Variants in ASIC2 observed in about 807,000 individuals in gnomAD.
ASIC2 encodes acid-sensing ion channel 2.
ASIC2 carries 25 observed loss-of-function variants against 57.3 expected under a neutral mutation model. That is an observed-to-expected ratio of 0.44 (90% CI 0.32 to 0.61). The LOEUF (loss-of-function observed/expected upper bound fraction) is 0.61, where lower values mean the gene tolerates loss of function less well. Among genes scored for constraint, ASIC2 ranks in the 20% least tolerant of loss-of-function variants. The pLI is 0.06. For synonymous variants in ASIC2, 319 were observed against 307.5 expected (o/e 1.04, Z -0.39); for missense variants, 641 against 738.1 (o/e 0.87, Z 1.52).
intron 1 of ASIC2, among the ~76,000 whole-genome samples, chr17:33,594,957 A>C (rs1904937795): frequency 6.6e-6 from 1 of 152,074 alleles, no homozygotes; most frequent in Non-Finnish European, 1.5e-5. Context: ...GCAGTGGCTC[A>C]TGCCTGTAAT....
chr17:33,709,075 A>G (rs1160370962), intron 1 of ASIC2, among the ~76,000 whole-genome samples: 1 of 152,132 alleles, frequency 6.6e-6, no homozygotes, highest in Non-Finnish European at 1.5e-5. Flanking sequence ...CACATTCAAT[A>G]CTCTGTAAAA....
At chr17:33,361,614 A>G (rs1908610067) in intron 1 of ASIC2, among the ~76,000 whole-genome samples, 1 of 152,210 alleles carries the variant, frequency 6.6e-6, no homozygotes, top group Non-Finnish European at 1.5e-5. Context: ...CTTTATGATA[A>G]CAGTCAAGAA....
chr17:34,128,526 G>A (rs2142125489), intron 1 of ASIC2, among the ~76,000 whole-genome samples: 1 of 152,204 alleles, frequency 6.6e-6, no homozygotes, highest in Non-Finnish European at 1.5e-5. Context: ...ATGACCTGAG[G>A]GATGTCACTT....
intron 1 of ASIC2, among the ~76,000 whole-genome samples, chr17:33,840,612 C>T (rs1913406485): frequency 6.6e-6 from 1 of 152,072 alleles, no homozygotes; most frequent in African/African-American, 2.4e-5. Flanking sequence ...AAGGGGCTAC[C>T]ACTCCAAGTG....
intron 1 of ASIC2, among the ~76,000 whole-genome samples, chr17:33,561,550 CTT>C (rs1486390266): frequency 1.3e-5 from 2 of 152,170 alleles, no homozygotes; most frequent in Non-Finnish European, 2.9e-5. Flanking sequence ...CACAGAAACT[CTT>C]GTTAGTGGAC....
At chr17:33,139,731 A>G (rs371328933) in intron 1 of ASIC2, among the ~76,000 whole-genome samples, 4 of 152,132 alleles carry the variant, frequency 2.6e-5, no homozygotes, top group African/African-American at 9.7e-5. Context: ...AGACACCCCT[A>G]TCATGGGCCA....
chr17:33,754,528 T>G (rs1910531497), intron 1 of ASIC2, among the ~76,000 whole-genome samples: 1 of 152,124 alleles, frequency 6.6e-6, no homozygotes, highest in Admixed American at 6.5e-5. Context: ...AACTGCAAAC[T>G]CTGAAAGGTG....
At chr17:34,092,153 G>A (rs148034316) in intron 1 of ASIC2, among the ~76,000 whole-genome samples, 1 of 152,322 alleles carries the variant, frequency 6.6e-6, no homozygotes, top group Non-Finnish European at 1.5e-5. Context: ...ATGAGGTCAT[G>A]TGCAGTGAGC....
intron 1 of ASIC2, among the ~76,000 whole-genome samples, chr17:33,214,959 G>A (rs1907421006): frequency 6.6e-6 from 1 of 152,172 alleles, no homozygotes; most frequent in Non-Finnish European, 1.5e-5. Context: ...CTGGCAAAAG[G>A]AGGCAAGGGT....
At chr17:34,036,216 T>C (rs1597986123) in intron 1 of ASIC2, among the ~76,000 whole-genome samples, 2 of 152,048 alleles carry the variant, frequency 1.3e-5, no homozygotes, top group East Asian at 3.9e-4. Context: ...GTTCATGTCC[T>C]TTGTAGGGAC....
intron 1 of ASIC2, among the ~76,000 whole-genome samples, chr17:34,101,462 C>T (rs529655733): frequency 6.6e-6 from 1 of 152,314 alleles, no homozygotes; most frequent in Non-Finnish European, 1.5e-5. Flanking sequence ...CGGCTCAACT[C>T]TCAACGTCAA....
At chr17:34,061,439 G>A (rs186494765) in intron 1 of ASIC2, among the ~76,000 whole-genome samples, 1 of 152,134 alleles carries the variant, frequency 6.6e-6, no homozygotes, top group Non-Finnish European at 1.5e-5. Context: ...AGAAATACAA[G>A]TTAAAAAGCA....
chr17:33,858,294 C>T (rs1031098412), intron 1 of ASIC2, among the ~76,000 whole-genome samples: 1 of 152,190 alleles, frequency 6.6e-6, no homozygotes, highest in African/African-American at 2.4e-5. Flanking sequence ...CAGAGAAGCA[C>T]AGCGAGTAAT....
rs150317036 is a variant in ASIC2, at chr17:33,588,889, A to G, written c.556-476822T>C. On this transcript the variant is annotated intron_variant, in intron 1 of 9. Transcript: ENST00000359872. ...GTAAACTGTGTATCATTTATGCTAT[A>G]TCAGGTTCACCATTTCTCAGTCAAT... is the stretch of plus-strand genomic sequence containing the variant. 8.5e-3 allele frequency among the ~76,000 whole-genome samples: 1,293 copies of G among 152,322 alleles called. 10 individuals are homozygous for G. The highest frequency in any genetic ancestry group is 0.012 in the Non-Finnish European group (797 of 68,026).
At chr17:33,871,285 CCTTGA>C (rs1914398708) in intron 1 of ASIC2, among the ~76,000 whole-genome samples, 1 of 152,166 alleles carries the variant, frequency 6.6e-6, no homozygotes, top group Admixed American at 6.5e-5. Flanking sequence ...CAAGTTAACA[CCTTGA>C]AGTCATTAAA....
intron 1 of ASIC2, among the ~76,000 whole-genome samples, chr17:33,617,837 A>G (rs985969736): frequency 6.6e-6 from 1 of 152,222 alleles, no homozygotes; most frequent in African/African-American, 2.4e-5. Flanking sequence ...AGGAATAATT[A>G]TATCAATAAT....
intron 1 of ASIC2, among the ~76,000 whole-genome samples, chr17:33,786,645 T>A (rs1178791524): frequency 6.6e-6 from 1 of 152,140 alleles, no homozygotes; most frequent in Non-Finnish European, 1.5e-5. Flanking sequence ...TCAAAGGAAA[T>A]CTTCATTACT....
At chr17:33,813,370 AAAACAAAC>A (rs551935444) in intron 1 of ASIC2, among the ~76,000 whole-genome samples, 1 of 152,162 alleles carries the variant, frequency 6.6e-6, no homozygotes, top group Non-Finnish European at 1.5e-5. Context: ...CAAAAAACAA[AAAACAAAC>A]AAACAAACAA....
rs944847022 is a variant in ASIC2, at chr17:34,039,239, G to A, written c.555+116739C>T. On this transcript the variant is annotated intron_variant, in intron 1 of 9. Coordinates refer to the ASIC2 transcript ENST00000359872. ...AGTGCAGATATTTTTTCTATTGTGA[G>A]GTCGGACTGGGTCTGTCTGTGCTGG... 20 of 1,613,830 alleles carry A rather than the reference G, an allele frequency of 1.2e-5. No homozygotes were observed. In the Admixed American group the frequency reaches 2.8e-4, roughly 23 times the overall value.
Sources: allele counts gnomAD v4.1 joint callset (sites outside exome capture counted in the v4.1 genomes callset), GRCh38; gene constraint gnomAD v4.1.1; transcripts MANE v1.5; gene names NCBI Gene and HGNC (gene_info 2026-07-23, HGNC 2026-07-21).